Variants in GTF2A1 observed in about 807,000 individuals in gnomAD.
The protein encoded by GTF2A1 is general transcription factor IIA subunit 1, also known as transcription initiation factor IIA subunit 1.
GTF2A1 carries 12 observed loss-of-function variants against 54.1 expected under a neutral mutation model. That is an observed-to-expected ratio of 0.22 (90% confidence interval 0.14 to 0.36). The LOEUF (loss-of-function observed/expected upper bound fraction) is 0.36. Ranked by LOEUF, GTF2A1 falls within the 10% of genes least tolerant of loss-of-function variation. The probability of loss-of-function intolerance (pLI) is 1.00; values close to 1 mark genes in which losing one functional copy is unlikely to be tolerated. For missense variants in GTF2A1, 335 were observed against 442.2 expected, an observed-to-expected ratio of 0.76 and a Z score of 2.17; for synonymous variants, 145 against 152.0, an observed-to-expected ratio of 0.95 and a Z score of 0.34.
In GTF2A1 at chr14:81,216,384, G is replaced by T. The variant is rs577170244; in HGVS notation, c.132+29C>A. 60 of 917,032 alleles carry T rather than the reference G, an allele frequency of 6.5e-5. No homozygotes were observed. The South Asian group carries it at 7.6e-4, about 12-fold the overall frequency. The allele number at this position is 917,032 out of a possible 1,614,324, so 56.8% of individuals were successfully genotyped here. On this transcript the variant is annotated intron_variant, in intron 2 of 8. Transcript: ENST00000553612. The stretch of plus-strand genomic sequence containing the variant: ...GAAAATGTTTTGTGGGGGAAAAGTA[G>T]GAATATTTTAAAAAAAAGACAAACT...
chr14:81,219,719 G>C (rs1409758416), intron 1 of GTF2A1, among the ~76,000 whole-genome samples: 3 of 152,164 alleles, frequency 2.0e-5, no homozygotes, highest in African/African-American at 7.2e-5. Context: ...ACTGCTTTTT[G>C]CAAACCTACG....
chr14:81,191,999 A>T (rs185777898), intron 7 of GTF2A1, among the ~76,000 whole-genome samples: 18 of 152,342 alleles, frequency 1.2e-4, no homozygotes, highest in Non-Finnish European at 1.0e-4. Flanking sequence ...AAACAAAGGC[A>T]TATTTATATG....
chr14:81,204,330 T>C (rs910160318), intron 2 of GTF2A1: 3 of 649,430 alleles, frequency 4.6e-6, no homozygotes, highest in Non-Finnish European at 8.5e-6. Flanking sequence ...ATTTTGTTTC[T>C]TTTTTTTATC....
intron 3 of GTF2A1, 143 bp from the exon 4 acceptor site, chr14:81,201,801 G>A (rs988240734): frequency 1.2e-4 from 74 of 634,000 alleles, no homozygotes; most frequent in Non-Finnish European, 1.3e-4. Context: ...TTTCATCTCA[G>A]GACATTATAA....
rs557724737 is a variant in GTF2A1 at position 81,207,028 on chromosome 14, T to C, written c.133-2924A>G. Among the ~76,000 whole-genome samples the C allele has an allele frequency of 2.0e-4, 30 of 152,314 alleles. No homozygotes were observed. The South Asian group carries it at 6.0e-3, about 30-fold the overall frequency. ...AGTCAAGAAGTTTGAGAAACACTGT[T>C]CTACACTGTTATCAAGGCGAATTTT... On this transcript the variant is annotated intron_variant, in intron 2 of 8. Coordinates refer to ENST00000553612, the MANE Select transcript of GTF2A1 (RefSeq NM_015859.4).
At chr14:81,217,260 A>C (rs1893506909) in intron 1 of GTF2A1, among the ~76,000 whole-genome samples, 1 of 152,270 alleles carries the variant, frequency 6.6e-6, no homozygotes, top group Admixed American at 6.5e-5. Context: ...TAAAATGAGT[A>C]AAATGAGAAT....
intron 2 of GTF2A1, among the ~76,000 whole-genome samples, chr14:81,211,908 T>TA (rs1555390547): frequency 7.2e-6 from 1 of 138,580 alleles, no homozygotes; most frequent in Non-Finnish European, 1.5e-5. Context: ...TATATATATA[T>TA]AACTAGAGTA....
intron 2 of GTF2A1, 93 bp downstream of exon 2, chr14:81,216,320 T>C (rs1476889503): frequency 1.5e-6 from 1 of 665,976 alleles, no homozygotes; most frequent in Non-Finnish European, 2.7e-6. Flanking sequence ...AACTATACGT[T>C]CATCCTATAG....
intron 2 of GTF2A1, among the ~76,000 whole-genome samples, chr14:81,215,759 G>T (rs1351431692): frequency 6.6e-6 from 1 of 152,082 alleles, no homozygotes; most frequent in African/African-American, 2.4e-5. Flanking sequence ...ATTAAGGCTG[G>T]GCGCTGTGGC....
At chr14:81,184,201 T>C (rs1242287263) in intron 8 of GTF2A1, among the ~76,000 whole-genome samples, 1 of 152,162 alleles carries the variant, frequency 6.6e-6, no homozygotes, top group East Asian at 1.9e-4. Flanking sequence ...GGAAGACACT[T>C]AAAAGTATAT....
At chr14:81,204,302 C>T in intron 2 of GTF2A1, 198 bp from the exon 3 acceptor site, 1 of 724,876 alleles carries the variant, frequency 1.4e-6, no homozygotes, top group East Asian at 2.5e-5. Context: ...TCATTTTTGC[C>T]ACATCAGAGT....
chr14:81,185,645 T>TAG, intron 7 of GTF2A1, 25 bp from the exon 8 acceptor site: 2 of 1,307,348 alleles, frequency 1.5e-6, no homozygotes, highest in Non-Finnish European at 1.1e-6. Flanking sequence ...AGAGTTCTTA[T>TAG]TACTATAAGA....
intron 7 of GTF2A1, among the ~76,000 whole-genome samples, chr14:81,186,410 T>C (rs1892747103): frequency 6.6e-6 from 1 of 152,056 alleles, no homozygotes; most frequent in South Asian, 2.1e-4. Context: ...TTTAGCATGA[T>C]GATGGTTATG....
At chr14:81,181,109 CAAAA>C (rs1892629074) in intron 8 of GTF2A1, among the ~76,000 whole-genome samples, 1 of 152,176 alleles carries the variant, frequency 6.6e-6, no homozygotes, top group Non-Finnish European at 1.5e-5. Flanking sequence ...CACAGTTAAA[CAAAA>C]AGAGCTGAAG....
At chr14:81,217,741 A>C (rs535314223) in intron 1 of GTF2A1, among the ~76,000 whole-genome samples, 1 of 152,068 alleles carries the variant, frequency 6.6e-6, no homozygotes, top group African/African-American at 2.4e-5. Context: ...GCAGTGAGCC[A>C]AGATTGCACC....
At chr14:81,209,208 A>G (rs1893308031) in intron 2 of GTF2A1, among the ~76,000 whole-genome samples, 1 of 152,196 alleles carries the variant, frequency 6.6e-6, no homozygotes, top group Non-Finnish European at 1.5e-5. Flanking sequence ...TAACTGAATC[A>G]TAGGGCCCAG....
intron 2 of GTF2A1, among the ~76,000 whole-genome samples, chr14:81,207,754 GA>G (rs1447359978): frequency 1.3e-5 from 2 of 152,234 alleles, no homozygotes; most frequent in African/African-American, 4.8e-5. Flanking sequence ...TGGCGATGAG[GA>G]ACTTGTTAGG....
At chr14:81,209,086 T>C (rs1893305223) in intron 2 of GTF2A1, among the ~76,000 whole-genome samples, 2 of 152,064 alleles carry the variant, frequency 1.3e-5, no homozygotes, top group Admixed American at 6.5e-5. Context: ...CGACATGAGA[T>C]TTGGAGGGCC....
At chr14:81,190,654 T>G (rs1892856469) in intron 7 of GTF2A1, among the ~76,000 whole-genome samples, 1 of 151,972 alleles carries the variant, frequency 6.6e-6, no homozygotes, top group African/African-American at 2.4e-5. Context: ...CTGATGAAGA[T>G]ATCCATTAAA....
Sources: allele counts gnomAD v4.1 joint callset (sites outside exome capture counted in the v4.1 genomes callset), GRCh38; gene constraint gnomAD v4.1.1; transcripts MANE v1.5; gene names NCBI Gene and HGNC (gene_info 2026-07-23, HGNC 2026-07-21).